SMG6: variants seen among roughly 807,000 people sequenced by gnomAD.
The protein encoded by SMG6 is SMG6 nonsense mediated mRNA decay factor, also known as telomerase-binding protein EST1A.
Under a neutral mutation model 142.2 loss-of-function variants are expected in SMG6, and 66 were observed. The ratio of observed to expected loss-of-function variants is 0.46; its 90% confidence interval spans 0.38 to 0.57. The LOEUF (loss-of-function observed/expected upper bound fraction) is 0.57, where lower values mean the gene tolerates loss of function less well. Among genes scored for constraint, SMG6 ranks in the 20% least tolerant of loss-of-function variants. The probability of loss-of-function intolerance (pLI) is 0.00; values close to 1 mark genes in which losing one functional copy is unlikely to be tolerated. For missense variants in SMG6, 1,793 were observed against 1,832.0 expected, an observed-to-expected ratio of 0.98 and a Z score of 0.39; for synonymous variants, 779 against 702.4, an observed-to-expected ratio of 1.11 and a Z score of -1.72.
At chr17:2,296,754 G>A (rs549269058) in intron 4 of SMG6, among the ~76,000 whole-genome samples, 1 of 152,286 alleles carries the variant, frequency 6.6e-6, no homozygotes, top group African/African-American at 2.4e-5. Flanking sequence ...AGCACTTTGG[G>A]AGGCTGAGGC....
At chr17:2,153,730 C>T (rs927729082) in intron 13 of SMG6, among the ~76,000 whole-genome samples, 5 of 134,258 alleles carry the variant, frequency 3.7e-5, no homozygotes, top group African/African-American at 5.8e-5. Flanking sequence ...GTGACGGTGA[C>T]GGGGGAACCT....
At chr17:2,139,732 A>C (rs2070416489) in intron 13 of SMG6, among the ~76,000 whole-genome samples, 1 of 126,960 alleles carries the variant, frequency 7.9e-6, no homozygotes, top group African/African-American at 3.0e-5. Flanking sequence ...TTAACAAACA[A>C]ATTTTTTTTT....
intron 13 of SMG6, among the ~76,000 whole-genome samples, chr17:2,147,764 C>A (rs1388357118): frequency 6.6e-6 from 1 of 152,214 alleles, no homozygotes; most frequent in Non-Finnish European, 1.5e-5. Context: ...CACACCAATA[C>A]ACCGACTAGG....
At chr17:2,124,497 T>A (rs1429860011) in intron 13 of SMG6, among the ~76,000 whole-genome samples, 1 of 152,190 alleles carries the variant, frequency 6.6e-6, no homozygotes, top group Non-Finnish European at 1.5e-5. Context: ...CAGAGAGTCG[T>A]AACAGAGTGT....
At chr17:2,236,715 A>C in intron 9 of SMG6, 78 bp from the exon 10 acceptor site, 1 of 667,620 alleles carries the variant, frequency 1.5e-6, no homozygotes, top group Non-Finnish European at 2.1e-6. Flanking sequence ...ACACACACAC[A>C]CACACACACA....
intron 13 of SMG6, among the ~76,000 whole-genome samples, chr17:2,129,170 C>T (rs2070016564): frequency 6.6e-6 from 1 of 151,790 alleles, no homozygotes. Flanking sequence ...ATTAAAAATA[C>T]AAAAAAGTAG....
chr17:2,185,162 A>G (rs183781729), intron 12 of SMG6, among the ~76,000 whole-genome samples: 4 of 152,134 alleles, frequency 2.6e-5, no homozygotes, highest in African/African-American at 9.7e-5. Context: ...ACACATACAG[A>G]TAACAACACA....
chr17:2,233,334 AAGGAATGG>A (rs1414754539), intron 10 of SMG6: 2 of 152,324 alleles, frequency 1.3e-5, no homozygotes, highest in Admixed American at 6.5e-5. Context: ...CATGTCCAAG[AAGGAATGG>A]AAAGAAAAAT....
At chr17:2,089,322 G>C in intron 13 of SMG6, among the ~76,000 whole-genome samples, 1 of 152,082 alleles carries the variant, frequency 6.6e-6, no homozygotes, top group East Asian at 1.9e-4. Context: ...GGCTGGACTG[G>C]GGATAGAGGC....
intron 13 of SMG6, among the ~76,000 whole-genome samples, chr17:2,161,557 A>T (rs1477408067): frequency 6.6e-6 from 1 of 151,966 alleles, no homozygotes; most frequent in Non-Finnish European, 1.5e-5. Flanking sequence ...TCTTGCCTCC[A>T]AAGTTTGGAG....
chr17:2,135,110 C>A (rs1004602230), intron 13 of SMG6, among the ~76,000 whole-genome samples: 1 of 152,138 alleles, frequency 6.6e-6, no homozygotes, highest in African/African-American at 2.4e-5. Flanking sequence ...AAATTCCTGA[C>A]CTCAGGTGAT....
At position 2,297,333 on chromosome 17, in the gene SMG6, A is replaced by C. The variant is rs148173925; in HGVS notation, c.2061T>G (p.Ser687Arg). 7.2e-5 allele frequency: 116 copies of C among 1,612,268 alleles called. No individual in the cohort carries two copies. In the African/African-American group the frequency reaches 1.3e-3, roughly 19 times the overall value. ...LLDEGSDFFD[S>R]LLQKLQVTYK... ...AAGTAACCTGCAGCTTCTGAAGCAAACTATCAAAGAAGTCACTACCCTATA... is the reference window on the plus strand; with the variant it reads ...AAGTAACCTGCAGCTTCTGAAGCAACCTATCAAAGAAGTCACTACCCTATA... The change falls in exon 4 of 19, where the codon AGT (serine) becomes AGG (arginine). Residue 687 changes from serine to arginine, a missense_variant. Physicochemically the swap from Ser to Arg is moderately radical, Grantham distance 110. Around this residue, in one of 3 missense-constraint regions of SMG6, gnomAD observed 1,597 missense variants for 1,584.6 expected, o/e 1.01. Transcript: ENST00000263073.
At chr17:2,210,173 T>C (rs1325177825) in intron 10 of SMG6, among the ~76,000 whole-genome samples, 1 of 152,132 alleles carries the variant, frequency 6.6e-6, no homozygotes, top group Non-Finnish European at 1.5e-5. Flanking sequence ...CACAGTTCAA[T>C]TTCTCCCTCT....
At chr17:2,108,383 G>A (rs572721062) in intron 13 of SMG6, among the ~76,000 whole-genome samples, 4 of 152,284 alleles carry the variant, frequency 2.6e-5, no homozygotes, top group East Asian at 1.9e-4. Flanking sequence ...TTGAAAGGCC[G>A]AGGCGGGCGG....
chr17:2,077,113 C>T (rs1035464588), intron 15 of SMG6, among the ~76,000 whole-genome samples: 1 of 152,216 alleles, frequency 6.6e-6, no homozygotes, highest in Admixed American at 6.5e-5. Context: ...CTTCAAATCA[C>T]TTGTCAAGGA....
intron 13 of SMG6, among the ~76,000 whole-genome samples, chr17:2,170,435 C>T (rs1333851581): frequency 2.6e-5 from 4 of 152,260 alleles, no homozygotes; most frequent in Admixed American, 6.5e-5. Flanking sequence ...AAAGCATCCT[C>T]TGGAATCAAG....
At chr17:2,170,007 G>C (rs1474625123) in intron 13 of SMG6, among the ~76,000 whole-genome samples, 1 of 152,116 alleles carries the variant, frequency 6.6e-6, no homozygotes, top group Non-Finnish European at 1.5e-5. Flanking sequence ...ACAAAGAAGT[G>C]CCAAGAATAA....
chr17:2,248,324 C>T (rs9913755), intron 8 of SMG6, among the ~76,000 whole-genome samples: 7 of 152,006 alleles, frequency 4.6e-5, no homozygotes, highest in Admixed American at 2.0e-4. Flanking sequence ...CAAGGGCTAA[C>T]GAGGGAATAA....
intron 12 of SMG6, among the ~76,000 whole-genome samples, chr17:2,179,210 C>T (rs2071735493): frequency 1.3e-5 from 2 of 152,198 alleles, no homozygotes; most frequent in Admixed American, 1.3e-4. Flanking sequence ...GGGCTTCCCA[C>T]AGCCACCACC....
Sources: allele counts gnomAD v4.1 joint callset (sites outside exome capture counted in the v4.1 genomes callset), GRCh38; gene constraint gnomAD v4.1.1; regional missense constraint gnomAD v4.1.1; transcripts MANE v1.5; gene names NCBI Gene and HGNC (gene_info 2026-07-23, HGNC 2026-07-21).